Variants in PATJ observed in about 807,000 individuals in gnomAD.
PATJ encodes PATJ crumbs cell polarity complex component.
PATJ carries 190 observed loss-of-function variants against 224.9 expected under a neutral mutation model. That is an observed-to-expected ratio of 0.84 (90% CI 0.75 to 0.95). PATJ has a LOEUF of 0.95. Ranked by LOEUF, PATJ falls within the 40% of genes least tolerant of loss-of-function variation. PATJ has a pLI of 0.00. For synonymous variants in PATJ, 769 were observed against 820.3 expected, an observed-to-expected ratio of 0.94 and a Z score of 1.07; for missense variants, 2,121 against 2,270.3, an observed-to-expected ratio of 0.93 and a Z score of 1.34.
rs532660088 is a variant in PATJ at position 62,021,795 on chromosome 1, G to A, written c.3959+3848G>A. Among the ~76,000 whole-genome samples, 5 of 152,188 alleles carry A rather than the reference G, an allele frequency of 3.3e-5. 1 individual carries two copies. Among genetic ancestry groups the A allele is most frequent in the African/African-American group, 9.6e-5 (4 of 41,540 alleles). On this transcript the variant is annotated intron_variant, in intron 29 of 43. Coordinates refer to ENST00000642238, the MANE Select transcript of PATJ (RefSeq NM_001350145.3). ...TCAAATCCTGAAGAAGTTAAAATTCGATTCATTATCAAGTTTCCAGAAGTT... is the reference window on the plus strand; with the variant it reads ...TCAAATCCTGAAGAAGTTAAAATTCAATTCATTATCAAGTTTCCAGAAGTT...
chr1:62,110,397 C>T (rs1271030062), intron 34 of PATJ, among the ~76,000 whole-genome samples: 7 of 152,124 alleles, frequency 4.6e-5, no homozygotes, highest in South Asian at 2.1e-4. Context: ...CATGAAACAG[C>T]GTAACACTAC....
intron 10 of PATJ, among the ~76,000 whole-genome samples, 183 bp downstream of exon 10, chr1:61,795,741 A>G (rs1650952699): frequency 6.6e-6 from 1 of 152,134 alleles, no homozygotes; most frequent in Non-Finnish European, 1.5e-5. Flanking sequence ...ATTTTTTTTC[A>G]CCGTCAGTGA....
At chr1:62,157,195 G>A (rs1275027779) in intron 43 of PATJ, among the ~76,000 whole-genome samples, 3 of 150,470 alleles carry the variant, frequency 2.0e-5, no homozygotes, top group African/African-American at 7.3e-5. Context: ...ATAGTGGCAG[G>A]TGCCTGTAAT....
chr1:62,141,804 A>G (rs1051017077), intron 41 of PATJ, among the ~76,000 whole-genome samples: 1 of 152,010 alleles, frequency 6.6e-6, no homozygotes, highest in East Asian at 1.9e-4. Flanking sequence ...CCCCATCTCT[A>G]CTAAAAATAC....
intron 15 of PATJ, among the ~76,000 whole-genome samples, chr1:61,823,810 G>A (rs1309985978): frequency 6.6e-6 from 1 of 152,138 alleles, no homozygotes; most frequent in African/African-American, 2.4e-5. Context: ...CATGTTGTGT[G>A]TAATTGTAAT....
At position 62,144,771 on chromosome 1, in the gene PATJ, A is replaced by ATATATATATATATAT. The variant is rs1439255158; in HGVS notation, c.5272-3513_5272-3512insTATATATATATATAT. On this transcript the variant is annotated intron_variant, in intron 41 of 43. Transcript: ENST00000642238. ...ATGCTCTAGAATGTTATTTGCAAAA[A>ATATATATATATATAT]AAAAAAATATATATATATATATATA... Among the ~76,000 whole-genome samples the ATATATATATATATAT allele has an allele frequency of 6.0e-3, 441 of 73,178 alleles. 18 individuals are homozygous for ATATATATATATATAT. The highest frequency in any genetic ancestry group is 0.021 in the East Asian group (51 of 2,400). The allele number at this position is 73,178 out of a possible 152,430, so 48.0% of individuals were successfully genotyped here.
intron 31 of PATJ, among the ~76,000 whole-genome samples, chr1:62,077,537 AAAATTAGCCAGGCGTGGT>A (rs1176191210): frequency 6.6e-6 from 1 of 151,908 alleles, no homozygotes; most frequent in East Asian, 1.9e-4. Flanking sequence ...AAAAATACAA[AAAATTAGCCAGGCGTGGT>A]GGTGTGCGCC....
intron 34 of PATJ, among the ~76,000 whole-genome samples, chr1:62,112,775 C>T (rs72677952): frequency 0.023 from 3,507 of 152,294 alleles, 67 homozygotes; most frequent in Non-Finnish European, 0.032. Flanking sequence ...CTCTGCTCCT[C>T]GATTTCTCCC....
At chr1:61,983,430 G>A (rs12730586) in intron 27 of PATJ, among the ~76,000 whole-genome samples, 38,117 of 151,834 alleles carry the variant, frequency 0.25, 5,159 homozygotes, top group East Asian at 0.45. Context: ...TAATGTGCAC[G>A]TAGTAATTTG....
At chr1:61,791,025 G>A (rs865927630) in intron 8 of PATJ, among the ~76,000 whole-genome samples, 3 of 152,148 alleles carry the variant, frequency 2.0e-5, no homozygotes, top group African/African-American at 7.2e-5. Flanking sequence ...TCCTTGTCAC[G>A]TGACTCCCTC....
intron 28 of PATJ, among the ~76,000 whole-genome samples, chr1:62,009,863 T>G (rs1327863322): frequency 6.6e-6 from 1 of 151,784 alleles, no homozygotes; most frequent in Non-Finnish European, 1.5e-5. Context: ...GGTGGGCGGA[T>G]CACAAGGTCA....
intron 7 of PATJ, among the ~76,000 whole-genome samples, chr1:61,783,834 A>C (rs1647929336): frequency 7.3e-6 from 1 of 137,290 alleles, no homozygotes; most frequent in Non-Finnish European, 1.5e-5. Flanking sequence ...TGCATCCTCC[A>C]CCTCCCAGGT....
chr1:62,144,771 A>ATATATATATATATATATATATATAT (rs1439255158), intron 41 of PATJ, among the ~76,000 whole-genome samples: 998 of 72,442 alleles, frequency 0.014, 55 homozygotes, highest in East Asian at 0.054. Context: ...ATTTGCAAAA[A>ATATATATATATATATATATATATAT]AAAAAAATAT....
At chr1:61,875,131 C>T (rs1667179291) in intron 20 of PATJ, 112 bp from the exon 21 acceptor site, 7 of 608,026 alleles carry the variant, frequency 1.2e-5, no homozygotes, top group African/African-American at 1.9e-5. Flanking sequence ...CTTGAGAATG[C>T]CTGTTTGCAA....
intron 24 of PATJ, among the ~76,000 whole-genome samples, chr1:61,903,042 C>T (rs1230571677): frequency 6.6e-6 from 1 of 152,110 alleles, no homozygotes; most frequent in Admixed American, 6.5e-5. Flanking sequence ...GAGAAAAGGG[C>T]TGAGGAGTGA....
chr1:62,066,946 G>A (rs1196320933), intron 31 of PATJ, among the ~76,000 whole-genome samples: 1 of 151,988 alleles, frequency 6.6e-6, no homozygotes, highest in Non-Finnish European at 1.5e-5. Flanking sequence ...CGTGGGGTCA[G>A]TTTGAAAGAT....
At chr1:62,013,751 G>A (rs757762564) in intron 28 of PATJ, among the ~76,000 whole-genome samples, 1 of 152,166 alleles carries the variant, frequency 6.6e-6, no homozygotes, top group Non-Finnish European at 1.5e-5. Context: ...TGAATGCCAG[G>A]CCTTGAATCA....
chr1:62,097,558 C>G (rs1661549991), intron 33 of PATJ, among the ~76,000 whole-genome samples: 1 of 152,138 alleles, frequency 6.6e-6, no homozygotes, highest in Non-Finnish European at 1.5e-5. Context: ...CCCAGCCATT[C>G]TAGCTGAGGC....
intron 17 of PATJ, among the ~76,000 whole-genome samples, chr1:61,840,354 G>A (rs1360000132): frequency 6.6e-6 from 1 of 151,946 alleles, no homozygotes; most frequent in Non-Finnish European, 1.5e-5. Context: ...ATTCAAAGGT[G>A]TATAAAGATA....
Sources: gnomAD v4.1 joint callset for allele counts (sites outside exome capture counted in the v4.1 genomes callset) on GRCh38, gnomAD v4.1.1 for gene constraint, MANE v1.5 for transcripts, NCBI Gene and HGNC (gene_info 2026-07-23, HGNC 2026-07-21) for gene names.